The following PGAP1 variants were observed in gnomAD, a reference collection of about 807,000 sequenced individuals.
PGAP1 encodes the protein post-GPI attachment to proteins inositol deacylase 1.
A neutral mutation model predicts 127.0 loss-of-function variants in PGAP1; 76 were observed. The observed-to-expected ratio is 0.60, with a 90% CI of 0.50 to 0.72. The LOEUF (loss-of-function observed/expected upper bound fraction) is 0.72, where lower values mean the gene tolerates loss of function less well. Ranked by LOEUF, PGAP1 falls within the 30% of genes least tolerant of loss-of-function variation. The pLI is 0.00. For synonymous variants in PGAP1, 362 were observed against 366.5 expected, an observed-to-expected ratio of 0.99 and a Z score of 0.14; for missense variants, 982 against 1,071.3, an observed-to-expected ratio of 0.92 and a Z score of 1.16.
chr2:196,901,800 T>C (rs1454569840), intron 5 of PGAP1, among the ~76,000 whole-genome samples: 1 of 152,228 alleles, frequency 6.6e-6, no homozygotes, highest in African/African-American at 2.4e-5. Flanking sequence ...TAAAGTTTCA[T>C]TCAAGTTTAA....
chr2:196,849,139 G>A (rs1009174498), intron 20 of PGAP1, among the ~76,000 whole-genome samples: 8 of 152,104 alleles, frequency 5.3e-5, no homozygotes, highest in African/African-American at 1.9e-4. Context: ...CATTCTATAT[G>A]TCTGAGAATC....
At chr2:196,923,332 C>G (rs10211384) in intron 1 of PGAP1, among the ~76,000 whole-genome samples, 97,695 of 152,078 alleles carry the variant, frequency 0.64, 32,031 homozygotes, top group East Asian at 0.92. Flanking sequence ...ATACACCCTC[C>G]ATGTCCCAGT....
In PGAP1 at chr2:196,837,066, T is replaced by A. The variant is rs536235654; in HGVS notation, c.*4168A>T. On this transcript the variant is annotated 3_prime_UTR_variant, in exon 27 of 27. Coordinates refer to ENST00000354764, the MANE Select transcript of PGAP1 (RefSeq NM_024989.4). ...AATGCAGCACTGTAAAGTTTCACAC[T>A]GAACCTAATAATAATGCAAGACATT... 1 of 152,338 alleles carries A rather than the reference T, an allele frequency of 6.6e-6. No individual in the cohort carries two copies. The highest frequency in any genetic ancestry group is 2.4e-5 in the African/African-American group (1 of 41,586). 9.4% of individuals were successfully genotyped at this position (152,338 alleles called of 1,614,324 possible).
intron 25 of PGAP1, among the ~76,000 whole-genome samples, chr2:196,843,480 T>G (rs1469730057): frequency 2.6e-5 from 4 of 152,214 alleles, no homozygotes; most frequent in Non-Finnish European, 5.9e-5. Flanking sequence ...CTACATTGAA[T>G]AGGGGTTCAA....
At chr2:196,884,958 G>A (rs184137119) in intron 12 of PGAP1, among the ~76,000 whole-genome samples, 3 of 152,232 alleles carry the variant, frequency 2.0e-5, no homozygotes, top group African/African-American at 7.2e-5. Context: ...TCCCTGCTGT[G>A]ACTTATCACC....
chr2:196,865,184 C>A, intron 19 of PGAP1, 104 bp from the exon 20 acceptor site: 1 of 601,242 alleles, frequency 1.7e-6, no homozygotes, highest in Non-Finnish European at 2.9e-6. Context: ...CCTGACATGG[C>A]TACAAAGATA....
intron 1 of PGAP1, among the ~76,000 whole-genome samples, chr2:196,925,370 C>CT (rs1388062265): frequency 1.3e-5 from 2 of 151,810 alleles, no homozygotes; most frequent in Non-Finnish European, 2.9e-5. Flanking sequence ...AAAAAAAAAA[C>CT]TGCTGTGATT....
chr2:196,857,364 C>T (rs1700919668), intron 20 of PGAP1, among the ~76,000 whole-genome samples: 1 of 152,178 alleles, frequency 6.6e-6, no homozygotes. Context: ...ATAATGGACT[C>T]CAGGTAGACT....
intron 13 of PGAP1, chr2:196,877,575 G>A (rs1701606246): frequency 6.6e-6 from 1 of 152,098 alleles, no homozygotes; most frequent in African/African-American, 2.4e-5. Flanking sequence ...CAGCTTACCT[G>A]CCAGAAAAAC....
At chr2:196,894,753 G>A (rs535161306) in intron 7 of PGAP1, among the ~76,000 whole-genome samples, 1 of 152,288 alleles carries the variant, frequency 6.6e-6, no homozygotes, top group South Asian at 2.1e-4. Flanking sequence ...AGTGAGCCGA[G>A]ATCGCGCCAC....
At chr2:196,880,227 T>C (rs796546579) in intron 12 of PGAP1, 74 bp from the exon 13 acceptor site, 1 of 914,778 alleles carries the variant, frequency 1.1e-6, no homozygotes, top group Non-Finnish European at 1.6e-6. Context: ...TAAATAACAC[T>C]TATTTCTTAC....
chr2:196,878,631 C>T (rs1701635610), intron 13 of PGAP1, among the ~76,000 whole-genome samples: 1 of 152,056 alleles, frequency 6.6e-6, no homozygotes, highest in Non-Finnish European at 1.5e-5. Context: ...TTTCTGATAC[C>T]ATTACTACTA....
At chr2:196,877,706 C>T (rs534420211) in intron 13 of PGAP1, 4 of 152,268 alleles carry the variant, frequency 2.6e-5, no homozygotes, top group Admixed American at 6.5e-5. Context: ...TGACTCCCAA[C>T]TACATCCCCC....
chr2:196,919,439 G>A (rs189059173), intron 2 of PGAP1, among the ~76,000 whole-genome samples: 7 of 152,250 alleles, frequency 4.6e-5, no homozygotes, highest in East Asian at 1.9e-4. Context: ...AGTTTAAAAC[G>A]AAATTAATTC....
At chr2:196,914,069 C>T (rs567682866) in intron 3 of PGAP1, among the ~76,000 whole-genome samples, 1 of 152,200 alleles carries the variant, frequency 6.6e-6, no homozygotes, top group South Asian at 2.1e-4. Context: ...TTGGTGATCT[C>T]CAATACAGAC....
intron 6 of PGAP1, among the ~76,000 whole-genome samples, chr2:196,897,744 A>G (rs1473423147): frequency 2.0e-5 from 3 of 152,196 alleles, no homozygotes; most frequent in African/African-American, 7.2e-5. Flanking sequence ...TAAAAACTCA[A>G]AAACTTTGGT....
intron 21 of PGAP1, 199 bp downstream of exon 21, chr2:196,847,748 T>A: frequency 2.5e-6 from 1 of 406,680 alleles, no homozygotes; most frequent in Non-Finnish European, 4.4e-6. Flanking sequence ...ATAAAGTGAA[T>A]AATTACTTTT....
At chr2:196,890,956 T>C (rs1702080265) in intron 9 of PGAP1, 45 bp from the exon 10 acceptor site, 1 of 974,116 alleles carries the variant, frequency 1.0e-6, no homozygotes, top group Admixed American at 2.0e-5. Flanking sequence ...AATGAGCAGA[T>C]TAGTTTCATC....
rs904420699 is a variant in PGAP1 at position 196,836,599 on chromosome 2, C to T, written c.*4635G>A. On this transcript the variant is annotated 3_prime_UTR_variant, in exon 27 of 27. Coordinates refer to ENST00000354764, the MANE Select transcript of PGAP1 (RefSeq NM_024989.4). ...GAATGGTAGTAGCTTCACAGCTTTCCTATTTCCTCAGGCTATTAAACATAT... is the reference window on the plus strand; with the variant it reads ...GAATGGTAGTAGCTTCACAGCTTTCTTATTTCCTCAGGCTATTAAACATAT... 1.3e-5 allele frequency: 2 copies of T among 152,030 alleles called. No individual in the cohort carries two copies. Among genetic ancestry groups the T allele is most frequent in the East Asian group, 1.9e-4 (1 of 5,196 alleles). The allele number at this position is 152,030 out of a possible 1,614,324, so 9.4% of individuals were successfully genotyped here.
Sources: allele counts gnomAD v4.1 joint callset (sites outside exome capture counted in the v4.1 genomes callset), GRCh38; gene constraint gnomAD v4.1.1; transcripts MANE v1.5; gene names NCBI Gene and HGNC (gene_info 2026-07-23, HGNC 2026-07-21).